Variants in QRSL1 observed in about 807,000 individuals in gnomAD.
QRSL1 encodes the protein glutamyl-tRNA(Gln) amidotransferase subunit A, mitochondrial.
Under a neutral mutation model 61.6 loss-of-function variants are expected in QRSL1, and 54 were observed. The ratio of observed to expected loss-of-function variants is 0.88; its 90% CI spans 0.70 to 1.10. The LOEUF is 1.10. Ranked by LOEUF, QRSL1 falls within the 50% of genes least tolerant of loss-of-function variation. The probability of loss-of-function intolerance (pLI) is 0.00; values close to 1 mark genes in which losing one functional copy is unlikely to be tolerated. For synonymous variants in QRSL1, 228 were observed against 225.7 expected (o/e 1.01, Z -0.09); for missense variants, 505 against 622.6 (o/e 0.81, Z 2.01).
intron 1 of QRSL1, among the ~76,000 whole-genome samples, chr6:106,639,742 G>A (rs1329337909): frequency 6.6e-6 from 1 of 151,786 alleles, no homozygotes; most frequent in East Asian, 1.9e-4. Flanking sequence ...AGTCACTTTC[G>A]GTGCAGTTTT....
At chr6:106,645,239 T>C (rs1777089206) in intron 4 of QRSL1, among the ~76,000 whole-genome samples, 1 of 152,244 alleles carries the variant, frequency 6.6e-6, no homozygotes, top group Admixed American at 6.5e-5. Flanking sequence ...ATAAGCTTGC[T>C]AATTTCTACA....
chr6:106,631,352 CAG>C (rs1776827116), intron 1 of QRSL1, among the ~76,000 whole-genome samples: 1 of 152,068 alleles, frequency 6.6e-6, no homozygotes, highest in Non-Finnish European at 1.5e-5. Flanking sequence ...ATCTAAGTAA[CAG>C]AAAGAGACTC....
intron 5 of QRSL1, among the ~76,000 whole-genome samples, chr6:106,651,659 A>G (rs925504800): frequency 6.6e-6 from 1 of 152,190 alleles, no homozygotes; most frequent in Non-Finnish European, 1.5e-5. Context: ...ATCTCAATCC[A>G]TGATTCTAAA....
chr6:106,644,961 A>G (rs998884513), intron 4 of QRSL1, among the ~76,000 whole-genome samples: 1 of 152,220 alleles, frequency 6.6e-6, no homozygotes, highest in Non-Finnish European at 1.5e-5. Flanking sequence ...CAACATATGG[A>G]TGTCCATTAA....
chr6:106,660,809 T>C (rs529429959), intron 9 of QRSL1, among the ~76,000 whole-genome samples: 1 of 151,850 alleles, frequency 6.6e-6, no homozygotes, highest in South Asian at 2.1e-4. Context: ...AAAGCAAGGG[T>C]GGGGAGAAAA....
At chr6:106,660,129 C>T (rs1179713081) in intron 9 of QRSL1, among the ~76,000 whole-genome samples, 1 of 150,974 alleles carries the variant, frequency 6.6e-6, no homozygotes, top group Non-Finnish European at 1.5e-5. Flanking sequence ...TTAGCTTCCT[C>T]TCTGGAATGA....
chr6:106,639,141 T>G (rs936348600), intron 1 of QRSL1, among the ~76,000 whole-genome samples: 1 of 145,936 alleles, frequency 6.9e-6, no homozygotes, highest in African/African-American at 2.6e-5. Context: ...TTTTTTTTTT[T>G]TTTTTGACAG....
chr6:106,639,084 G>A (rs1247138773), intron 1 of QRSL1, among the ~76,000 whole-genome samples: 8 of 147,600 alleles, frequency 5.4e-5, no homozygotes, highest in Admixed American at 3.4e-4. Context: ...GAGATAAACA[G>A]TACCTAACTT....
At chr6:106,660,799 A>G (rs1265895972) in intron 9 of QRSL1, among the ~76,000 whole-genome samples, 1 of 152,134 alleles carries the variant, frequency 6.6e-6, no homozygotes, top group Non-Finnish European at 1.5e-5. Context: ...CACATGGCAG[A>G]AAGCAAGGGT....
In QRSL1 at chr6:106,667,316, A is replaced by G. The variant is rs1007214696; in HGVS notation, c.*1314A>G. ...TCTTTACGAGTGTTTTTTATTTGGG[A>G]CCCTCGAGCCCAGAGATATTAATGG... On this transcript the variant is annotated 3_prime_UTR_variant, in exon 11 of 11. Coordinates refer to ENST00000369046, the MANE Select transcript of QRSL1 (RefSeq NM_018292.5). 3 of 152,068 alleles carry G rather than the reference A, an allele frequency of 2.0e-5. No homozygotes were observed. Among genetic ancestry groups the G allele is most frequent in the African/African-American group, 7.2e-5 (3 of 41,408 alleles). The allele number at this position is 152,068 out of a possible 1,614,324, so 9.4% of individuals were successfully genotyped here.
chr6:106,645,599 T>A (rs1454519292), intron 4 of QRSL1, among the ~76,000 whole-genome samples: 1 of 152,148 alleles, frequency 6.6e-6, no homozygotes, highest in East Asian at 1.9e-4. Context: ...ATTTTTGTAT[T>A]TTTAGTAGAG....
Position 106,665,934 on chromosome 6 carries a change from G to T in QRSL1, c.1519G>T (p.Glu507Ter), listed in dbSNP as rs1353895453. ...ACAGTTTCCTGTTATTCAACTTCAA[G>T]AACTCATGGATGATTGTTCAGCAGT... ...QVQFPVIQLQ[E>*]LMDDCSAVLE... The change falls in exon 11 of 11, where the codon GAA (glutamate) becomes TAA (stop). Residue 507 changes from glutamate to a stop codon, truncating the protein, a stop_gained. Coordinates refer to ENST00000369046, the MANE Select transcript of QRSL1 (RefSeq NM_018292.5). LOFTEE classifies it high-confidence loss of function. 6.2e-7 allele frequency: 1 copy of T among 1,613,936 alleles called. No individual in the cohort carries two copies. Among genetic ancestry groups the T allele is most frequent in the East Asian group, 2.2e-5 (1 of 44,894 alleles).
chr6:106,636,412 C>G, intron 1 of QRSL1, among the ~76,000 whole-genome samples: 1 of 151,802 alleles, frequency 6.6e-6, no homozygotes, highest in Non-Finnish European at 1.5e-5. Context: ...CATCTGCCTC[C>G]CGGGTTCAAG....
intron 9 of QRSL1, among the ~76,000 whole-genome samples, chr6:106,662,357 A>G (rs1228778179): frequency 6.6e-6 from 1 of 152,174 alleles, no homozygotes; most frequent in East Asian, 1.9e-4. Flanking sequence ...TGCATCTACT[A>G]GTGAATTCTG....
chr6:106,663,766 T>C (rs1226518746), intron 10 of QRSL1, among the ~76,000 whole-genome samples: 2 of 152,160 alleles, frequency 1.3e-5, no homozygotes, highest in East Asian at 3.8e-4. Flanking sequence ...TTGCATGCAC[T>C]CTCACCACAC....
chr6:106,642,878 G>T, intron 3 of QRSL1, 116 bp from the exon 4 acceptor site: 1 of 830,852 alleles, frequency 1.2e-6, no homozygotes, highest in South Asian at 1.4e-5. Flanking sequence ...GAGAACCAAT[G>T]GGAAGGCTCC....
intron 4 of QRSL1, among the ~76,000 whole-genome samples, chr6:106,645,193 A>G (rs1777088653): frequency 1.3e-5 from 2 of 152,164 alleles, no homozygotes; most frequent in Admixed American, 6.5e-5. Flanking sequence ...ATCATTTTAC[A>G]TAATCTAGAT....
intron 3 of QRSL1, among the ~76,000 whole-genome samples, chr6:106,641,664 A>G (rs1226923183): frequency 6.6e-6 from 1 of 152,212 alleles, no homozygotes; most frequent in Admixed American, 6.5e-5. Context: ...GTTGTTAATT[A>G]TTTTGGAATA....
chr6:106,642,147 C>T (rs1203653376), intron 3 of QRSL1, among the ~76,000 whole-genome samples: 1 of 152,140 alleles, frequency 6.6e-6, no homozygotes, highest in Non-Finnish European at 1.5e-5. Context: ...ACTTCCACCT[C>T]CTGGGTTCAA....
Sources: allele counts gnomAD v4.1 joint callset (sites outside exome capture counted in the v4.1 genomes callset), GRCh38; gene constraint gnomAD v4.1.1; transcripts MANE v1.5; gene names NCBI Gene and HGNC (gene_info 2026-07-23, HGNC 2026-07-21).